The following ABTB3 variants were observed in gnomAD, a reference collection of about 807,000 sequenced individuals.
The protein encoded by ABTB3 is ankyrin repeat- and BTB/POZ domain-containing protein 3.
At chr12:107,560,332 A>G in the ABTB3 span, among the ~76,000 whole-genome samples, 18 of 152,320 alleles carry the variant, frequency 1.2e-4, no homozygotes, top group African/African-American at 4.1e-4. Context: ...CTGAGGGGTT[A>G]ATTCACAGGC....
the ABTB3 span, among the ~76,000 whole-genome samples, chr12:107,388,862 G>C: frequency 1.3e-5 from 2 of 152,210 alleles, no homozygotes; most frequent in African/African-American, 4.8e-5. Flanking sequence ...TGATGATGAT[G>C]GTTATCAGGA....
chr12:107,461,927 G>T, the ABTB3 span, among the ~76,000 whole-genome samples: 2 of 152,168 alleles, frequency 1.3e-5, no homozygotes, highest in East Asian at 3.9e-4. Context: ...AGGGAGCCAG[G>T]TTTTCTCTGG....
the ABTB3 span, among the ~76,000 whole-genome samples, chr12:107,434,947 G>A: frequency 6.6e-6 from 1 of 152,102 alleles, no homozygotes; most frequent in Non-Finnish European, 1.5e-5. Context: ...ATTCTTCCAA[G>A]GGAGGGTAGC....
At chr12:107,332,955 G>A in the ABTB3 span, among the ~76,000 whole-genome samples, 5 of 152,232 alleles carry the variant, frequency 3.3e-5, no homozygotes, top group Non-Finnish European at 7.3e-5. Flanking sequence ...AGCTGTGCCT[G>A]TTGCTTAGGC....
At chr12:107,415,127 T>G in the ABTB3 span, among the ~76,000 whole-genome samples, 1 of 152,286 alleles carries the variant, frequency 6.6e-6, no homozygotes, top group African/African-American at 2.4e-5. Flanking sequence ...CCACTTATCA[T>G]GCTCATCCTC....
At chr12:107,573,853 A>C in the ABTB3 span, among the ~76,000 whole-genome samples, 2 of 152,302 alleles carry the variant, frequency 1.3e-5, no homozygotes, top group Non-Finnish European at 2.9e-5. Flanking sequence ...AATCTGCTTT[A>C]CTCAAAGCCT....
the ABTB3 span, among the ~76,000 whole-genome samples, chr12:107,493,341 G>A: frequency 1.3e-5 from 2 of 152,166 alleles, no homozygotes; most frequent in South Asian, 4.1e-4. Flanking sequence ...GCTCTCTGGG[G>A]CAGGGCATAC....
At chr12:107,646,385 A>G in the ABTB3 span, among the ~76,000 whole-genome samples, 1 of 152,260 alleles carries the variant, frequency 6.6e-6, no homozygotes, top group South Asian at 2.1e-4. Flanking sequence ...ACCACGTGCT[A>G]GAGAAATGCT....
chr12:107,518,778 G>A, the ABTB3 span, among the ~76,000 whole-genome samples: 4 of 152,048 alleles, frequency 2.6e-5, no homozygotes, highest in South Asian at 2.1e-4. Context: ...ATAAAATGTC[G>A]AGCAGGGTTG....
the ABTB3 span, among the ~76,000 whole-genome samples, chr12:107,334,458 G>T: frequency 6.6e-6 from 1 of 152,176 alleles, no homozygotes; most frequent in African/African-American, 2.4e-5. Flanking sequence ...TTTGAACAAC[G>T]AGGAGGAGTT....
chr12:107,374,235 G>A, the ABTB3 span, among the ~76,000 whole-genome samples: 1 of 152,164 alleles, frequency 6.6e-6, no homozygotes, highest in Non-Finnish European at 1.5e-5. Context: ...AGGTCTGCTG[G>A]GTCCTTTCCT....
At chr12:107,636,564 C>A in the ABTB3 span, among the ~76,000 whole-genome samples, 1 of 152,130 alleles carries the variant, frequency 6.6e-6, no homozygotes, top group Non-Finnish European at 1.5e-5. Context: ...TATTTTTGTT[C>A]CCATCTTGAA....
chr12:107,620,762 T>A, the ABTB3 span, among the ~76,000 whole-genome samples: 3 of 152,146 alleles, frequency 2.0e-5, no homozygotes, highest in Non-Finnish European at 4.4e-5. Context: ...GACACCTGTA[T>A]CCCCAGCAAC....
the ABTB3 span, among the ~76,000 whole-genome samples, chr12:107,371,344 A>C: frequency 2.0e-5 from 3 of 152,110 alleles, no homozygotes; most frequent in African/African-American, 7.2e-5. Context: ...CCTGGGAAGG[A>C]AGGATTTGAC....
At chr12:107,482,613 GGGGTGCCCAC>G in the ABTB3 span, among the ~76,000 whole-genome samples, 1 of 151,984 alleles carries the variant, frequency 6.6e-6, no homozygotes, top group Admixed American at 6.6e-5. Flanking sequence ...AAATATGCAT[GGGGTGCCCAC>G]TCTAGTCTGC....
chr12:107,573,521 A>G, the ABTB3 span, among the ~76,000 whole-genome samples: 2 of 144,690 alleles, frequency 1.4e-5, no homozygotes, highest in Non-Finnish European at 3.0e-5. Flanking sequence ...TAGATGGAAC[A>G]GATGGTGAGT....
the ABTB3 span, among the ~76,000 whole-genome samples, chr12:107,498,706 AT>A: frequency 2.0e-5 from 3 of 151,428 alleles, no homozygotes; most frequent in Admixed American, 1.3e-4. Flanking sequence ...TTGTGATAAC[AT>A]TGGGCCCACC....
chr12:107,600,842 C>T, the ABTB3 span, among the ~76,000 whole-genome samples: 1 of 152,118 alleles, frequency 6.6e-6, no homozygotes, highest in African/African-American at 2.4e-5. Flanking sequence ...CTCACGAGGC[C>T]CTGCAAGTGA....
At chr12:107,520,204 C>A in the ABTB3 span, 8 of 985,188 alleles carry the variant, frequency 8.1e-6, no homozygotes, top group Non-Finnish European at 9.6e-6. Context: ...CCCTTCCAGG[C>A]CCGAGGAGAG....
Sources: gnomAD v4.1 joint callset for allele counts (sites outside exome capture counted in the v4.1 genomes callset) on GRCh38, gnomAD v4.1.1 for gene constraint, MANE v1.5 for transcripts, NCBI Gene and HGNC (gene_info 2026-07-23, HGNC 2026-07-21) for gene names.